The following COL25A1 variants were observed in gnomAD, a reference collection of about 807,000 sequenced individuals.
COL25A1 encodes collagen alpha-1(XXV) chain.
A neutral mutation model predicts 128.4 loss-of-function variants in COL25A1; 103 were observed. That is an observed-to-expected ratio of 0.80 (90% confidence interval 0.68 to 0.94). The LOEUF is 0.94. Among genes scored for constraint, COL25A1 ranks in the 40% least tolerant of loss-of-function variants. The probability of loss-of-function intolerance (pLI) is 0.00; values close to 1 mark genes in which losing one functional copy is unlikely to be tolerated. For synonymous variants in COL25A1, 279 were observed against 277.2 expected (o/e 1.01, Z -0.06); for missense variants, 745 against 840.0 (o/e 0.89, Z 1.40).
At chr4:109,123,669 A>G (rs1157085221) in intron 3 of COL25A1, among the ~76,000 whole-genome samples, 4 of 152,140 alleles carry the variant, frequency 2.6e-5, no homozygotes, top group African/African-American at 9.6e-5. Flanking sequence ...AAGAAATAAT[A>G]TTCTATTGAT....
chr4:108,942,632 T>A (rs1209876983), intron 8 of COL25A1, among the ~76,000 whole-genome samples: 1 of 149,638 alleles, frequency 6.7e-6, no homozygotes, highest in Non-Finnish European at 1.5e-5. Flanking sequence ...TTAGTAGAGA[T>A]GGGTTTTCAG....
intron 33 of COL25A1, among the ~76,000 whole-genome samples, chr4:108,825,497 A>G (rs759137460): frequency 6.6e-6 from 1 of 152,134 alleles, no homozygotes; most frequent in African/African-American, 2.4e-5. Flanking sequence ...AAAGTAAAAA[A>G]TACTGTTTAG....
rs530038378 is a variant in COL25A1, at chr4:109,169,382, T to A, written c.368-119203A>T. Among the ~76,000 whole-genome samples, 5 of 152,216 alleles carry A rather than the reference T, an allele frequency of 3.3e-5. No individual in the cohort carries two copies. The South Asian group carries it at 1.0e-3, about 31-fold the overall frequency. On this transcript the variant is annotated intron_variant, in intron 3 of 37. Coordinates refer to ENST00000399132, the MANE Select transcript of COL25A1 (RefSeq NM_198721.4). Reference sequence around the variant, plus strand: ...ATCGGTGTTATGACACTTATTTGTGTGTCTTATGATATGACTCATATTTGT... The same window carrying A: ...ATCGGTGTTATGACACTTATTTGTGAGTCTTATGATATGACTCATATTTGT...
intron 3 of COL25A1, among the ~76,000 whole-genome samples, chr4:109,213,535 GGGA>G (rs1351790753): frequency 6.6e-6 from 1 of 152,106 alleles, no homozygotes; most frequent in South Asian, 2.1e-4. Context: ...GGACCATGTG[GGGA>G]GGAACTGAGA....
At chr4:108,913,147 A>T (rs1401643759) in intron 13 of COL25A1, among the ~76,000 whole-genome samples, 1 of 151,996 alleles carries the variant, frequency 6.6e-6, no homozygotes. Context: ...AGACAAAAAA[A>T]ATTTCATTTT....
chr4:109,105,060 G>A (rs1386486904), intron 3 of COL25A1, among the ~76,000 whole-genome samples: 1 of 152,156 alleles, frequency 6.6e-6, no homozygotes, highest in Non-Finnish European at 1.5e-5. Flanking sequence ...CTGGTGGTAG[G>A]GGGAAGTGGG....
At chr4:108,895,180 A>C (rs1741983850) in intron 16 of COL25A1, among the ~76,000 whole-genome samples, 1 of 152,188 alleles carries the variant, frequency 6.6e-6, no homozygotes, top group South Asian at 2.1e-4. Flanking sequence ...CACACATGCC[A>C]TATTTATATT....
At position 109,284,191 on chromosome 4, in the gene COL25A1, G is replaced by A. The variant is rs538690586; in HGVS notation, c.367+16392C>T. Among the ~76,000 whole-genome samples the A allele has an allele frequency of 3.3e-5, 5 of 152,308 alleles. No individual in the cohort carries two copies. The South Asian group carries it at 6.2e-4, about 19-fold the overall frequency. On this transcript the variant is annotated intron_variant, in intron 3 of 37. Transcript: ENST00000399132. ...TATAATCCCAGCACTTTGGGAGGCCGAGGCAGGCAGATCACCTGAGGTCAG... is the reference window on the plus strand; with the variant it reads ...TATAATCCCAGCACTTTGGGAGGCCAAGGCAGGCAGATCACCTGAGGTCAG...
At chr4:109,119,750 A>G (rs1767949129) in intron 3 of COL25A1, among the ~76,000 whole-genome samples, 1 of 152,128 alleles carries the variant, frequency 6.6e-6, no homozygotes, top group Non-Finnish European at 1.5e-5. Flanking sequence ...ACAAGAAGAT[A>G]GAAACAGAGG....
intron 11 of COL25A1, among the ~76,000 whole-genome samples, chr4:108,933,734 A>G (rs1289687068): frequency 6.6e-6 from 1 of 152,144 alleles, no homozygotes; most frequent in African/African-American, 2.4e-5. Flanking sequence ...CAGGTAGAAC[A>G]GGAATTATTA....
rs1487320484 is a variant in COL25A1, at chr4:108,969,950, G to A, written c.492+4417C>T. On this transcript the variant is annotated intron_variant, in intron 8 of 37. Coordinates refer to ENST00000399132, the MANE Select transcript of COL25A1 (RefSeq NM_198721.4). ...CAAGTCTCACTCTGTTGCCCAGGCT[G>A]GAGTGCAATCATGCTATCTTGGCTC... Among the ~76,000 whole-genome samples, 12 of 150,786 alleles carry A rather than the reference G, an allele frequency of 8.0e-5. No individual in the cohort carries two copies. The East Asian group carries it at 2.3e-3, about 29-fold the overall frequency.
intron 19 of COL25A1, among the ~76,000 whole-genome samples, chr4:108,878,735 CT>C (rs934174879): frequency 4.6e-5 from 7 of 151,472 alleles, no homozygotes; most frequent in East Asian, 1.9e-4. Context: ...ACCTTTCTGA[CT>C]TTTTTTTTCT....
At chr4:109,141,132 T>C (rs1770361829) in intron 3 of COL25A1, among the ~76,000 whole-genome samples, 2 of 152,230 alleles carry the variant, frequency 1.3e-5, no homozygotes. Context: ...TATTGAGAGT[T>C]TTTAGCATGC....
At chr4:109,093,578 C>G (rs1765144188) in intron 3 of COL25A1, among the ~76,000 whole-genome samples, 1 of 151,746 alleles carries the variant, frequency 6.6e-6, no homozygotes, top group Non-Finnish European at 1.5e-5. Flanking sequence ...CTGAGGCTGG[C>G]TGCAATGAGC....
chr4:109,161,605 C>T (rs1481707282), intron 3 of COL25A1, among the ~76,000 whole-genome samples: 1 of 152,158 alleles, frequency 6.6e-6, no homozygotes, highest in Non-Finnish European at 1.5e-5. Flanking sequence ...TTCTGCTGCA[C>T]TCTGAATTGT....
At chr4:109,164,726 CT>C (rs1384765008) in intron 3 of COL25A1, among the ~76,000 whole-genome samples, 1 of 152,114 alleles carries the variant, frequency 6.6e-6, no homozygotes, top group Non-Finnish European at 1.5e-5. Flanking sequence ...ATTTTATCAA[CT>C]GGTTCTTCTA....
chr4:109,135,785 TCCC>T (rs1170470473), intron 3 of COL25A1, among the ~76,000 whole-genome samples: 2 of 152,186 alleles, frequency 1.3e-5, no homozygotes, highest in Non-Finnish European at 1.5e-5. Flanking sequence ...TGGGTTTTTT[TCCC>T]CCAAAGCCAC....
At chr4:109,031,246 G>T (rs1443705295) in intron 5 of COL25A1, among the ~76,000 whole-genome samples, 1 of 152,076 alleles carries the variant, frequency 6.6e-6, no homozygotes, top group Admixed American at 6.6e-5. Flanking sequence ...TGAGTAGCTG[G>T]GACTACAGGC....
intron 3 of COL25A1, among the ~76,000 whole-genome samples, chr4:109,294,719 A>G (rs1404446968): frequency 6.6e-6 from 1 of 152,116 alleles, no homozygotes; most frequent in African/African-American, 2.4e-5. Flanking sequence ...ATTGTTTATA[A>G]AGTGATAGTA....
Sources: allele counts gnomAD v4.1 joint callset (sites outside exome capture counted in the v4.1 genomes callset), GRCh38; gene constraint gnomAD v4.1.1; transcripts MANE v1.5; gene names NCBI Gene and HGNC (gene_info 2026-07-23, HGNC 2026-07-21).